Variants in P2RX6 observed in about 807,000 individuals in gnomAD.
P2RX6 encodes the protein P2X purinoceptor 6.
A neutral mutation model predicts 54.2 loss-of-function variants in P2RX6; 62 were observed. The ratio of observed to expected loss-of-function variants is 1.14; its 90% CI spans 0.93 to 1.41. The LOEUF is 1.41. P2RX6 is among the 40% of genes most tolerant of loss of function. The probability of loss-of-function intolerance (pLI) is 0.00; values close to 1 mark genes in which losing one functional copy is unlikely to be tolerated. For missense variants in P2RX6, 541 were observed against 566.3 expected, an observed-to-expected ratio of 0.96 and a Z score of 0.45; for synonymous variants, 211 against 231.9, an observed-to-expected ratio of 0.91 and a Z score of 0.82.
rs368530874 is a variant in P2RX6 at position 21,025,948 on chromosome 22, G to A, written c.984+50G>A. The stretch of plus-strand genomic sequence containing the variant: ...GGGGATGGGATGGGGCAGGCAGACA[G>A]GGCTGGAGGAGGCATGAGGCTGACA... On this transcript the variant is annotated intron_variant, in intron 9 of 11. Coordinates refer to ENST00000413302, the MANE Select transcript of P2RX6 (RefSeq NM_005446.5). 2.1e-3 allele frequency: 3,398 copies of A among 1,583,668 alleles called. 3 individuals are homozygous for A. Among genetic ancestry groups the A allele is most frequent in the Non-Finnish European group, 2.8e-3 (3,255 of 1,163,934 alleles).
intron 3 of P2RX6, 149 bp downstream of exon 3, chr22:21,018,209 A>C: frequency 1.5e-6 from 1 of 668,760 alleles, no homozygotes. Flanking sequence ...CTTTTCCTGA[A>C]TCATTATGTT....
chr22:21,024,226 T>C (rs1927993275), intron 8 of P2RX6, among the ~76,000 whole-genome samples: 1 of 151,650 alleles, frequency 6.6e-6, no homozygotes, highest in Non-Finnish European at 1.5e-5. Context: ...CCCGAAGGGC[T>C]AGGATTACAG....
chr22:21,020,924 G>A (rs1927279201), intron 3 of P2RX6, among the ~76,000 whole-genome samples: 1 of 151,994 alleles, frequency 6.6e-6, no homozygotes, highest in Non-Finnish European at 1.5e-5. Context: ...TGGTGAGCAG[G>A]TGGATTTGGT....
At position 21,026,468 on chromosome 22, in the gene P2RX6, C is replaced by T. The variant is rs1315228574; in HGVS notation, c.1177C>T (p.Leu393Phe). 1 of 1,603,326 alleles carries T rather than the reference C, an allele frequency of 6.2e-7. No individual in the cohort carries two copies. Among genetic ancestry groups the T allele is most frequent in the South Asian group, 1.1e-5 (1 of 88,640 alleles). ...CAACTCTGTGTGGAGGGAGCTGGCC[C>T]TTGCATCCCAAGCCCGACTGGCCGA... ...TANSVWRELA[L>F]ASQARLAECL... Residue 393 changes from leucine (L) to phenylalanine (F), a missense_variant, in exon 12 of 12, where the codon CTT becomes TTT. Physicochemically the swap from Leu to Phe is conservative, Grantham distance 22 (BLOSUM62 0). Coordinates refer to ENST00000413302, the MANE Select transcript of P2RX6 (RefSeq NM_005446.5). The surrounding 1 kb of genome is among the most constrained non-coding windows in gnomAD (Gnocchi z 4.0).
intron 3 of P2RX6, among the ~76,000 whole-genome samples, chr22:21,022,404 GGGGTCTCCCT>G (rs1333980145): frequency 6.6e-6 from 1 of 152,140 alleles, no homozygotes; most frequent in Non-Finnish European, 1.5e-5. Flanking sequence ...AAGGAGGAAA[GGGGTCTCCCT>G]TTGTCTTTGA....
chr22:21,012,527 C>T (rs1194351252), upstream of P2RX6: 14 of 604,288 alleles, frequency 2.3e-5, no homozygotes, highest in East Asian at 1.2e-4. Context: ...CAGCACCTAC[C>T]GCAGATGCTG....
chr22:21,015,419 T>C (rs1926162055), intron 1 of P2RX6, 81 bp downstream of exon 1: 2 of 1,448,736 alleles, frequency 1.4e-6, no homozygotes, highest in Non-Finnish European at 1.8e-6. Flanking sequence ...TGGGTTGAAG[T>C]TGAGGGTTGG....
rs185174296 is a variant in P2RX6, at chr22:21,025,918, A to G, written c.984+20A>G. The G allele has an allele frequency of 3.2e-6, 5 of 1,580,174 alleles. No individual in the cohort carries two copies. Among genetic ancestry groups the G allele is most frequent in the Non-Finnish European group, 3.4e-6 (4 of 1,163,038 alleles). ...GGGCAGGTAGGCACAGGTAGGGGTC[A>G]GGCCGGGGATGGGATGGGGCAGGCA... On this transcript the variant is annotated intron_variant, in intron 9 of 11. Transcript: ENST00000413302.
intron 3 of P2RX6, among the ~76,000 whole-genome samples, chr22:21,021,257 G>A (rs1045064485): frequency 2.0e-5 from 3 of 152,158 alleles, no homozygotes; most frequent in Non-Finnish European, 1.5e-5. Context: ...GATTACAGGC[G>A]TGAGCCACTG....
At chr22:21,025,957 G>A in intron 9 of P2RX6, 54 bp from the exon 10 acceptor site, 1 of 1,586,320 alleles carries the variant, frequency 6.3e-7, no homozygotes, top group Non-Finnish European at 8.6e-7. Context: ...AGGGCTGGAG[G>A]AGGCATGAGG....
chr22:21,017,240 G>A (rs1249318684), intron 2 of P2RX6, among the ~76,000 whole-genome samples: 3 of 152,054 alleles, frequency 2.0e-5, no homozygotes, highest in Non-Finnish European at 4.4e-5. Context: ...TGCCCATGAC[G>A]GTGTCCACAC....
intron 8 of P2RX6, among the ~76,000 whole-genome samples, chr22:21,025,010 A>G (rs1928175675): frequency 6.7e-6 from 1 of 149,300 alleles, no homozygotes; most frequent in South Asian, 2.1e-4. Context: ...CCTCCTGAGT[A>G]GCTGTGATTA....
chr22:21,022,449 G>T (rs1438589626), intron 3 of P2RX6, among the ~76,000 whole-genome samples: 1 of 152,152 alleles, frequency 6.6e-6, no homozygotes, highest in Non-Finnish European at 1.5e-5. Flanking sequence ...CCTTCATCTG[G>T]CCAGGGCATT....
At chr22:21,014,150 C>A (rs964402842), upstream of P2RX6, 1 of 156,302 alleles carries the variant, frequency 6.4e-6, no homozygotes, top group African/African-American at 2.4e-5. Flanking sequence ...TGCAAGACGT[C>A]CACAGGCCGC....
chr22:21,015,958 A>G lies in P2RX6; in HGVS notation c.181A>G (p.Lys61Glu). The G allele has an allele frequency of 6.5e-7, 1 of 1,548,208 alleles. No homozygotes were observed. The highest frequency in any genetic ancestry group is 8.7e-7 in the Non-Finnish European group (1 of 1,145,820). ...CCTCCCCAGGTGGGCTCTCCTCGCCAAAAAAGGCTACCAGGAGCGGGACCT... is the reference window on the plus strand; with the variant it reads ...CCTCCCCAGGTGGGCTCTCCTCGCCGAAAAAGGCTACCAGGAGCGGGACCT... ...VYVVGWALLAKKGYQERDLEP... is the reference protein window; with the variant it reads ...VYVVGWALLAEKGYQERDLEP... The change falls in exon 2 of 12, where the codon AAA becomes GAA. Residue 61 changes from lysine to glutamate, a missense_variant. Physicochemically the swap from Lys to Glu is moderately conservative, Grantham distance 56. Transcript: ENST00000413302.
At chr22:21,011,583 G>T, upstream of P2RX6, 1 of 715,468 alleles carries the variant, frequency 1.4e-6, no homozygotes, top group South Asian at 1.5e-5. Flanking sequence ...TCTCCAACAG[G>T]TCCACATCTG....
In P2RX6 at chr22:21,025,856, C is replaced by G. The variant is rs144110687; in HGVS notation, c.942C>G (p.Leu314=). Reference sequence around the variant, plus strand: ...CGGGTGTGGAGGCCCGCACCCTGCTCAAGCTCTATGGAATCCGCTTCGACA... The same window carrying G: ...CGGGTGTGGAGGCCCGCACCCTGCTGAAGCTCTATGGAATCCGCTTCGACA... ...EQPGVEARTL[L]KLYGIRFDIL... The change falls in exon 9 of 12, where the codon CTC becomes CTG. Residue 314 remains leucine, a synonymous_variant. Transcript: ENST00000413302. The G allele has an allele frequency of 4.8e-5, 75 of 1,572,442 alleles. No individual in the cohort carries two copies. In the African/African-American group the frequency reaches 9.7e-4, roughly 20 times the overall value.
chr22:21,023,579 A>T lies in P2RX6; in HGVS notation c.851A>T (p.His284Leu). ...ACCGGGGACTCTGGCTGCTGGCCTCACTACTCCTTCCAGCTGCAGGAGAAG... is the reference window on the plus strand; with the variant it reads ...ACCGGGGACTCTGGCTGCTGGCCTCTCTACTCCTTCCAGCTGCAGGAGAAG... ...LDTGDSGCWP[H>L]YSFQLQEKSY... The change falls in exon 8 of 12, where the codon CAC becomes CTC. Residue 284 changes from histidine to leucine, a missense_variant. His to Leu is a moderately conservative substitution (Grantham distance 99). Coordinates refer to ENST00000413302, the MANE Select transcript of P2RX6 (RefSeq NM_005446.5). 1 of 1,612,994 alleles carries T rather than the reference A, an allele frequency of 6.2e-7. No individual in the cohort carries two copies. Among genetic ancestry groups the T allele is most frequent in the Middle Eastern group, 1.7e-4 (1 of 6,046 alleles).
intron 3 of P2RX6, 121 bp downstream of exon 3, chr22:21,018,181 C>G: frequency 1.4e-6 from 1 of 709,918 alleles, no homozygotes; most frequent in Non-Finnish European, 2.6e-6. Context: ...TCGGTGTCCC[C>G]CAGGCACTGG....
Sources: gnomAD v4.1 joint callset for allele counts (sites outside exome capture counted in the v4.1 genomes callset) on GRCh38, gnomAD v4.1.1 for gene constraint, Gnocchi (gnomAD v3.1) non-coding constraint, MANE v1.5 for transcripts, NCBI Gene and HGNC (gene_info 2026-07-23, HGNC 2026-07-21) for gene names.